Variants in MESD observed in about 807,000 individuals in gnomAD.
MESD encodes the protein LRP chaperone MESD.
In MESD, 7 loss-of-function variants were observed where a neutral mutation model predicts 12.9. The ratio of observed to expected loss-of-function variants is 0.54; its 90% confidence interval spans 0.31 to 1.02. The LOEUF is 1.02. MESD is among the 50% of genes least tolerant of loss of function. MESD has a pLI of 0.05. For missense variants in MESD, 342 were observed against 296.7 expected (o/e 1.15, Z -1.12); for synonymous variants, 126 against 115.6 (o/e 1.09, Z -0.58).
At chr15:80,971,941 TTC>T, downstream of MESD, among the ~76,000 whole-genome samples, 1 of 149,656 alleles carries the variant, frequency 6.7e-6, no homozygotes, top group South Asian at 2.1e-4. Flanking sequence ...CAGAGTGAGA[TTC>T]TGTCTCAAAA....
At chr15:80,981,436 CAAAAAAAAAAAA>C (rs58445538) in intron 2 of MESD, among the ~76,000 whole-genome samples, 3 of 48,444 alleles carry the variant, frequency 6.2e-5, no homozygotes, top group Non-Finnish European at 1.4e-4. Context: ...GACTCCGTCT[CAAAAAAAAAAAA>C]AAAAAAAACA....
intron 3 of MESD, among the ~76,000 whole-genome samples, chr15:80,961,826 A>T (rs1194471541): frequency 2.0e-5 from 3 of 152,218 alleles, no homozygotes; most frequent in Non-Finnish European, 4.4e-5. Flanking sequence ...GCCTTACAAG[A>T]GCTCCTGAAG....
downstream of MESD, among the ~76,000 whole-genome samples, chr15:80,974,416 A>G (rs1373777883): frequency 6.6e-6 from 1 of 152,232 alleles, no homozygotes; most frequent in Non-Finnish European, 1.5e-5. Context: ...CAGCAGCAAT[A>G]AAAGAATGTA....
At chr15:80,949,111 G>C in intron 4 of MESD, 1 of 751,864 alleles carries the variant, frequency 1.3e-6, no homozygotes, top group Non-Finnish European at 2.3e-6. Context: ...CTACTCAAGT[G>C]TCTACCTGGA....
chr15:80,963,042 C>T (rs1459613143), intron 3 of MESD, among the ~76,000 whole-genome samples: 1 of 152,074 alleles, frequency 6.6e-6, no homozygotes, highest in African/African-American at 2.4e-5. Context: ...TCAGTGAATC[C>T]AGGAGCTGGG....
At chr15:80,948,631 C>G (rs943944687) in exon 5 of MESD, 2 of 894,550 alleles carry the variant, frequency 2.2e-6, no homozygotes, top group Non-Finnish European at 3.6e-6. Flanking sequence ...ACATGTCAGG[C>G]ACCATCAGTA....
intron 3 of MESD, among the ~76,000 whole-genome samples, chr15:80,953,809 T>C (rs945640058): frequency 6.6e-6 from 1 of 152,108 alleles, no homozygotes; most frequent in African/African-American, 2.4e-5. Flanking sequence ...TAGAGGTCAG[T>C]GCAGTGACAG....
chr15:80,954,756 G>A (rs574691659), intron 3 of MESD, among the ~76,000 whole-genome samples: 3 of 152,334 alleles, frequency 2.0e-5, no homozygotes, highest in Admixed American at 2.0e-4. Context: ...CTAACCCACC[G>A]CCAGTGGGCT....
intron 1 of MESD, among the ~76,000 whole-genome samples, chr15:80,984,102 T>C (rs902596994): frequency 1.3e-5 from 2 of 152,084 alleles, no homozygotes; most frequent in Non-Finnish European, 2.9e-5. Flanking sequence ...GGTTTTGCCA[T>C]GTTGCCCAGG....
intron 3 of MESD, among the ~76,000 whole-genome samples, chr15:80,961,824 AG>A (rs1902091926): frequency 2.0e-5 from 3 of 152,246 alleles, no homozygotes; most frequent in Non-Finnish European, 4.4e-5. Context: ...CTGCCTTACA[AG>A]AGCTCCTGAA....
At chr15:80,961,565 T>A (rs1465550618) in intron 3 of MESD, among the ~76,000 whole-genome samples, 1 of 152,188 alleles carries the variant, frequency 6.6e-6, no homozygotes, top group Non-Finnish European at 1.5e-5. Flanking sequence ...TAAGTAAAAA[T>A]GACTGCAAAA....
intron 3 of MESD, chr15:80,952,306 A>G: frequency 2.2e-6 from 1 of 446,828 alleles, no homozygotes; most frequent in Non-Finnish European, 4.5e-6. Flanking sequence ...TCTGGAAGGG[A>G]GAGAGTGAGA....
chr15:80,956,994 A>AT (rs1427599687), intron 3 of MESD, among the ~76,000 whole-genome samples: 133 of 151,540 alleles, frequency 8.8e-4, no homozygotes, highest in Non-Finnish European at 1.6e-3. Flanking sequence ...TTATTTATTT[A>AT]TTTATTTTTT....
chr15:80,975,216 A>C (rs934706016), downstream of MESD, among the ~76,000 whole-genome samples: 16 of 148,674 alleles, frequency 1.1e-4, no homozygotes, highest in African/African-American at 1.5e-4. Flanking sequence ...TCCAAAAAAA[A>C]AAAACAAAAA....
downstream of MESD, among the ~76,000 whole-genome samples, chr15:80,975,212 A>C: frequency 6.8e-6 from 1 of 146,554 alleles, no homozygotes; most frequent in South Asian, 2.2e-4. Context: ...TTTCTCCAAA[A>C]AAAAAAAACA....
intron 3 of MESD, among the ~76,000 whole-genome samples, chr15:80,967,000 T>C (rs957063824): frequency 3.9e-5 from 6 of 152,060 alleles, no homozygotes; most frequent in Non-Finnish European, 7.4e-5. Flanking sequence ...AAACTAGAAG[T>C]AGAAGCCCTT....
At chr15:80,982,692 T>A (rs1346661902) in intron 1 of MESD, among the ~76,000 whole-genome samples, 1 of 152,130 alleles carries the variant, frequency 6.6e-6, no homozygotes, top group South Asian at 2.1e-4. Context: ...CAAGGGAGGA[T>A]TAACTGAGAA....
downstream of MESD, chr15:80,946,996 T>C (rs559372433): frequency 6.8e-6 from 11 of 1,613,962 alleles, no homozygotes; most frequent in South Asian, 1.2e-4. Flanking sequence ...AAAGGGAAGA[T>C]ACGTCTCCAG....
intron 2 of MESD, among the ~76,000 whole-genome samples, chr15:80,981,028 G>T (rs986444779): frequency 4.0e-5 from 6 of 151,758 alleles, no homozygotes; most frequent in African/African-American, 7.3e-5. Flanking sequence ...GTTTCCCCAC[G>T]TTGGCCAGGA....
Sources: allele counts gnomAD v4.1 joint callset (sites outside exome capture counted in the v4.1 genomes callset), GRCh38; gene constraint gnomAD v4.1.1; transcripts MANE v1.5; gene names NCBI Gene and HGNC (gene_info 2026-07-23, HGNC 2026-07-21).